TTC7A: variants seen among roughly 807,000 people sequenced by gnomAD.
TTC7A encodes tetratricopeptide repeat protein 7A.
Under a neutral mutation model 103.7 loss-of-function variants are expected in TTC7A, and 110 were observed. That is an observed-to-expected ratio of 1.06 (90% CI 0.91 to 1.24). The LOEUF is 1.24. Among genes scored for constraint, TTC7A ranks in the 50% most tolerant of loss-of-function variants. The probability of loss-of-function intolerance (pLI) is 0.00; values close to 1 mark genes in which losing one functional copy is unlikely to be tolerated. For synonymous variants in TTC7A, 521 were observed against 467.9 expected, an observed-to-expected ratio of 1.11 and a Z score of -1.47; for missense variants, 1,340 against 1,116.3, an observed-to-expected ratio of 1.20 and a Z score of -2.86.
At chr2:46,946,661 G>A (rs1366407953) in intron 1 of TTC7A, among the ~76,000 whole-genome samples, 3 of 152,056 alleles carry the variant, frequency 2.0e-5, no homozygotes, top group Admixed American at 6.6e-5. Flanking sequence ...GTCTCAATCA[G>A]TCCTACCACC....
At chr2:47,003,316 A>G (rs1016157667) in intron 8 of TTC7A, among the ~76,000 whole-genome samples, 1 of 152,014 alleles carries the variant, frequency 6.6e-6, no homozygotes, top group African/African-American at 2.4e-5. Flanking sequence ...AGGACAGGAG[A>G]GGCCTGACCT....
At chr2:46,921,909 C>G (rs116125520) in intron 2 of TTC7A, among the ~76,000 whole-genome samples, 5 of 152,212 alleles carry the variant, frequency 3.3e-5, no homozygotes, top group Non-Finnish European at 2.9e-5. Flanking sequence ...TGGTAATGCT[C>G]ACTCGCCCAC....
At chr2:46,934,915 C>G (rs1383882737) in intron 2 of TTC7A, among the ~76,000 whole-genome samples, 1 of 150,056 alleles carries the variant, frequency 6.7e-6, no homozygotes, top group Non-Finnish European at 1.5e-5. Flanking sequence ...ATTCTCTTGC[C>G]TCAGCCTCCT....
chr2:46,985,696 T>G (rs1674944529), intron 5 of TTC7A, among the ~76,000 whole-genome samples: 2 of 152,194 alleles, frequency 1.3e-5, no homozygotes, highest in Admixed American at 6.5e-5. Context: ...GTCCAGCCCA[T>G]GGCACCACGC....
intron 3 of TTC7A, among the ~76,000 whole-genome samples, chr2:46,963,084 T>G (rs1672531793): frequency 6.6e-6 from 1 of 152,192 alleles, no homozygotes. Context: ...CCTGGCTCTC[T>G]CGCAGTGCAG....
intron 15 of TTC7A, chr2:47,045,496 C>G (rs903832579): frequency 6.6e-6 from 1 of 152,308 alleles, no homozygotes; most frequent in African/African-American, 2.4e-5. Context: ...AAGGGCCACT[C>G]CCCACACTGG....
chr2:47,044,681 TG>T (rs1192289149), intron 15 of TTC7A, among the ~76,000 whole-genome samples: 2 of 152,178 alleles, frequency 1.3e-5, no homozygotes, highest in Non-Finnish European at 2.9e-5. Context: ...AGTTGGTATC[TG>T]GGGGGCAACC....
At chr2:47,013,671 A>G (rs904070773) in intron 11 of TTC7A, among the ~76,000 whole-genome samples, 1 of 152,232 alleles carries the variant, frequency 6.6e-6, no homozygotes, top group Admixed American at 6.5e-5. Flanking sequence ...AATTACAGTA[A>G]TTATGTGCAT....
At chr2:47,035,262 G>C (rs1365308419) in intron 15 of TTC7A, 1 of 152,214 alleles carries the variant, frequency 6.6e-6, no homozygotes, top group African/African-American at 2.4e-5. Flanking sequence ...CAGTGAGGGG[G>C]TGGAATCAAA....
Position 46,958,635 on chromosome 2 carries a change from C to T in TTC7A, c.517+1628C>T, listed in dbSNP as rs148794401. The T allele has an allele frequency of 2.3e-5, 23 of 991,010 alleles. No homozygotes were observed. The East Asian group carries it at 9.7e-4, about 42-fold the overall frequency. The allele number at this position is 991,010 out of a possible 1,614,324, so 61.4% of individuals were successfully genotyped here. ...GTTCCCCAGTGACTGCACATGGCCTCCCCTTTGCCTGCCTCCTCTCTGCCT... is the reference window on the plus strand; with the variant it reads ...GTTCCCCAGTGACTGCACATGGCCTTCCCTTTGCCTGCCTCCTCTCTGCCT... On this transcript the variant is annotated intron_variant, in intron 3 of 19. Transcript: ENST00000319190.
chr2:46,945,924 C>A (rs945919747), intron 1 of TTC7A, among the ~76,000 whole-genome samples: 19 of 152,288 alleles, frequency 1.2e-4, no homozygotes, highest in African/African-American at 4.6e-4. Flanking sequence ...CCCGTTTGCC[C>A]CAGCGGGGAA....
At chr2:46,947,799 A>G (rs1283736217) in intron 1 of TTC7A, among the ~76,000 whole-genome samples, 1 of 152,212 alleles carries the variant, frequency 6.6e-6, no homozygotes, top group Non-Finnish European at 1.5e-5. Context: ...AAAAATACAC[A>G]AAGTACTACC....
intron 14 of TTC7A, among the ~76,000 whole-genome samples, chr2:47,026,428 G>C (rs1679922930): frequency 6.6e-6 from 1 of 152,174 alleles, no homozygotes; most frequent in African/African-American, 2.4e-5. Context: ...CCTGGCACTG[G>C]TGCCCACAGC....
chr2:46,959,058 C>T (rs1424897097), intron 3 of TTC7A, among the ~76,000 whole-genome samples: 2 of 152,124 alleles, frequency 1.3e-5, no homozygotes, highest in African/African-American at 2.4e-5. Context: ...GTGACTCATG[C>T]GCGGATCTCA....
rs145285552 is a variant in TTC7A, at chr2:46,991,599, T to C, written c.765-1851T>C. ...GTTATTTCTAAGGGAAGGTGAGTTA[T>C]TTACTCACCTTAAAAGAAGAAGGAA... is the stretch of plus-strand genomic sequence containing the variant. On this transcript the variant is annotated intron_variant, in intron 5 of 19. Coordinates refer to ENST00000319190, the MANE Select transcript of TTC7A (RefSeq NM_020458.4). 1.5e-3 allele frequency among the ~76,000 whole-genome samples: 223 copies of C among 152,282 alleles called. 2 individuals carry two copies. The highest frequency in any genetic ancestry group is 5.2e-3 in the African/African-American group (214 of 41,552).
intron 19 of TTC7A, among the ~76,000 whole-genome samples, chr2:47,073,172 C>T (rs1162110446): frequency 6.6e-5 from 10 of 152,172 alleles, no homozygotes; most frequent in Admixed American, 3.3e-4. Context: ...GCCTGTAATG[C>T]GTCCTCCTCC....
intron 2 of TTC7A, chr2:46,917,403 A>G (rs989900155): frequency 2.6e-5 from 15 of 566,592 alleles, no homozygotes; most frequent in Middle Eastern, 2.6e-4. Flanking sequence ...TCTACCCTGC[A>G]TCTGCCATTC....
At chr2:46,955,772 C>T (rs1168930608) in intron 2 of TTC7A, among the ~76,000 whole-genome samples, 2 of 152,296 alleles carry the variant, frequency 1.3e-5, no homozygotes, top group East Asian at 1.9e-4. Flanking sequence ...AGACTCTTAC[C>T]TCCCTACAGG....
chr2:46,990,118 G>T (rs1019336304), intron 5 of TTC7A, among the ~76,000 whole-genome samples: 1 of 152,240 alleles, frequency 6.6e-6, no homozygotes, highest in African/African-American at 2.4e-5. Context: ...GCCTGCTGCT[G>T]TTGGGCCCAG....
Sources: gnomAD v4.1 joint callset for allele counts (sites outside exome capture counted in the v4.1 genomes callset) on GRCh38, gnomAD v4.1.1 for gene constraint, MANE v1.5 for transcripts, NCBI Gene and HGNC (gene_info 2026-07-23, HGNC 2026-07-21) for gene names.